Variants in MSRB3 observed in about 807,000 individuals in gnomAD.
The protein encoded by MSRB3 is methionine-R-sulfoxide reductase B3.
In MSRB3, 13 loss-of-function variants were observed where a neutral mutation model predicts 21.0. The observed-to-expected ratio is 0.62, with a 90% CI of 0.40 to 0.98. The LOEUF (loss-of-function observed/expected upper bound fraction) is 0.98, where lower values mean the gene tolerates loss of function less well. MSRB3 is among the 50% of genes least tolerant of loss of function. MSRB3 has a pLI of 0.00. For missense variants in MSRB3, 199 were observed against 230.3 expected, an observed-to-expected ratio of 0.86 and a Z score of 0.88; for synonymous variants, 87 against 88.6, an observed-to-expected ratio of 0.98 and a Z score of 0.10.
chr12:65,278,795 C>A lies in MSRB3; in HGVS notation c.-122C>A. 1 of 1,571,350 alleles carries A rather than the reference C, an allele frequency of 6.4e-7. No homozygotes were observed. The highest frequency in any genetic ancestry group is 2.4e-5 in the East Asian group (1 of 42,480). On this transcript the variant is annotated 5_prime_UTR_variant, in exon 1 of 7. Transcript: ENST00000308259. ...TGAGCCCGCGGCGGACCCTCCCGCG[C>A]CCCCTCTCGCTCTGCCTCTCCCTCT...
At chr12:65,426,476 C>G (rs1277036739) in intron 5 of MSRB3, among the ~76,000 whole-genome samples, 1 of 152,140 alleles carries the variant, frequency 6.6e-6, no homozygotes, top group African/African-American at 2.4e-5. Flanking sequence ...TCAGAATTCT[C>G]TCTGTCTTTA....
intron 4 of MSRB3, among the ~76,000 whole-genome samples, chr12:65,347,523 A>G (rs898012782): frequency 1.3e-5 from 2 of 152,148 alleles, no homozygotes; most frequent in Non-Finnish European, 2.9e-5. Flanking sequence ...CAATCATGTC[A>G]TCTGCAAACA....
chr12:65,358,353 T>C (rs1435810513), intron 4 of MSRB3, among the ~76,000 whole-genome samples: 1 of 151,952 alleles, frequency 6.6e-6, no homozygotes, highest in East Asian at 1.9e-4. Context: ...ACTCCTGGGC[T>C]CAAGTCTTTT....
At chr12:65,330,944 G>A (rs10878260) in intron 4 of MSRB3, among the ~76,000 whole-genome samples, 28,557 of 151,976 alleles carry the variant, frequency 0.19, 2,824 homozygotes, top group Non-Finnish European at 0.21. Context: ...GAACAAAAAC[G>A]AAATAATTGG....
At chr12:65,324,340 T>C (rs1378930920) in intron 2 of MSRB3, among the ~76,000 whole-genome samples, 2 of 152,090 alleles carry the variant, frequency 1.3e-5, no homozygotes, top group East Asian at 3.9e-4. Flanking sequence ...AGACGGAGAC[T>C]AACAAAGGAG....
rs145945140 is a variant in MSRB3 at position 65,380,621 on chromosome 12, C to T, written c.292+11595C>T. Among the ~76,000 whole-genome samples, 74 of 152,172 alleles carry T rather than the reference C, an allele frequency of 4.9e-4. 1 individual carries two copies. Among genetic ancestry groups the T allele is most frequent in the Middle Eastern group, 3.4e-3 (1 of 294 alleles). Reference sequence around the variant, plus strand: ...TTAACTCTGTGGCCAATAATAATAACGACAATGACAGCAAAACAATTACAA... The same window carrying T: ...TTAACTCTGTGGCCAATAATAATAATGACAATGACAGCAAAACAATTACAA... On this transcript the variant is annotated intron_variant, in intron 5 of 6. Coordinates refer to ENST00000308259, the MANE Select transcript of MSRB3 (RefSeq NM_001031679.3).
chr12:65,318,558 A>T (rs1874459272), intron 2 of MSRB3, among the ~76,000 whole-genome samples: 1 of 152,176 alleles, frequency 6.6e-6, no homozygotes, highest in African/African-American at 2.4e-5. Flanking sequence ...GGAAAAAAAA[A>T]TTAAAAACAG....
intron 1 of MSRB3, among the ~76,000 whole-genome samples, chr12:65,288,790 G>T (rs1565815738): frequency 6.6e-6 from 1 of 151,912 alleles, no homozygotes; most frequent in South Asian, 2.1e-4. Flanking sequence ...AACTCTTAAG[G>T]TTGGTTAATC....
chr12:65,333,981 A>G (rs1052671611), intron 4 of MSRB3, among the ~76,000 whole-genome samples: 4 of 152,200 alleles, frequency 2.6e-5, no homozygotes, highest in African/African-American at 9.7e-5. Flanking sequence ...CACAAGATAG[A>G]TTCTGGGATT....
At chr12:65,300,738 T>A (rs1873277579) in intron 1 of MSRB3, among the ~76,000 whole-genome samples, 1 of 152,204 alleles carries the variant, frequency 6.6e-6, no homozygotes, top group Non-Finnish European at 1.5e-5. Context: ...AGATGGGAGC[T>A]CTGCCCCGTA....
intron 6 of MSRB3, 142 bp from the exon 7 acceptor site, chr12:65,463,013 T>G: frequency 9.7e-7 from 1 of 1,029,258 alleles, no homozygotes; most frequent in Non-Finnish European, 1.5e-6. Context: ...TTGCGGCTAT[T>G]GACAGGCGGA....
chr12:65,318,522 A>G (rs1031388985), intron 2 of MSRB3, among the ~76,000 whole-genome samples: 4 of 152,090 alleles, frequency 2.6e-5, no homozygotes, highest in African/African-American at 9.7e-5. Flanking sequence ...TTTATGGGCT[A>G]TGATGTTCTA....
intron 4 of MSRB3, among the ~76,000 whole-genome samples, chr12:65,340,153 A>G (rs1876043697): frequency 6.6e-6 from 1 of 152,220 alleles, no homozygotes; most frequent in Non-Finnish European, 1.5e-5. Context: ...TTCACCAGAC[A>G]GCTGGAATCT....
chr12:65,301,822 C>T (rs1873348523), intron 1 of MSRB3, among the ~76,000 whole-genome samples: 1 of 152,130 alleles, frequency 6.6e-6, no homozygotes, highest in African/African-American at 2.4e-5. Context: ...TCTAGATTTT[C>T]TTCACGTATG....
intron 5 of MSRB3, among the ~76,000 whole-genome samples, chr12:65,420,787 G>C (rs1565884052): frequency 1.3e-5 from 2 of 152,150 alleles, no homozygotes; most frequent in Non-Finnish European, 2.9e-5. Flanking sequence ...CCATGTTTCT[G>C]CATATGACAT....
chr12:65,442,158 T>C (rs565268600), intron 5 of MSRB3, among the ~76,000 whole-genome samples: 4 of 152,134 alleles, frequency 2.6e-5, no homozygotes, highest in East Asian at 1.9e-4. Flanking sequence ...AAAATATATA[T>C]AATAGAATAA....
chr12:65,401,637 T>C (rs1880130351), intron 5 of MSRB3, among the ~76,000 whole-genome samples: 1 of 152,230 alleles, frequency 6.6e-6, no homozygotes, highest in African/African-American at 2.4e-5. Context: ...TATGTGTGTA[T>C]TTGATCCTGT....
intron 1 of MSRB3, among the ~76,000 whole-genome samples, chr12:65,296,087 A>G (rs564867878): frequency 2.6e-5 from 4 of 152,214 alleles, no homozygotes; most frequent in Non-Finnish European, 5.9e-5. Context: ...TTCTTCATGC[A>G]TACACAAAGT....
intron 5 of MSRB3, among the ~76,000 whole-genome samples, chr12:65,390,057 A>T (rs1362993380): frequency 6.6e-6 from 1 of 152,186 alleles, no homozygotes; most frequent in East Asian, 1.9e-4. Context: ...ACAAACGTTT[A>T]TATCTACACT....
Sources: allele counts gnomAD v4.1 joint callset (sites outside exome capture counted in the v4.1 genomes callset), GRCh38; gene constraint gnomAD v4.1.1; transcripts MANE v1.5; gene names NCBI Gene and HGNC (gene_info 2026-07-23, HGNC 2026-07-21).